Variants in LOC122513141 observed in about 807,000 individuals in gnomAD.
At chr9:137,218,547 C>T in the LOC122513141 span, 151 of 400,362 alleles carry the variant, frequency 3.8e-4, 2 homozygotes, top group African/African-American at 2.7e-3. Context: ...CTGGTCTTCA[C>T]GCCGCTCCTG....
the LOC122513141 span, chr9:137,218,161 G>C: frequency 1.3e-5 from 5 of 398,610 alleles, no homozygotes; most frequent in African/African-American, 1.0e-4. Context: ...TGGGCTGCCT[G>C]CACAGGCTGC....
At chr9:137,218,801 A>G in the LOC122513141 span, 2 of 396,404 alleles carry the variant, frequency 5.0e-6, no homozygotes, top group Non-Finnish European at 8.9e-6. Flanking sequence ...GCCAGAGTCC[A>G]TGGCTGCACT....
chr9:137,218,597 C>T, the LOC122513141 span: 3 of 398,742 alleles, frequency 7.5e-6, no homozygotes, highest in Admixed American at 4.4e-5. Context: ...CCGCTCTGGC[C>T]GCTGAGCAGA....
At chr9:137,217,808 C>T in the LOC122513141 span, 3 of 397,414 alleles carry the variant, frequency 7.5e-6, no homozygotes, top group Non-Finnish European at 1.3e-5. Flanking sequence ...CACCCCTGAA[C>T]TGTGCCCTGG....
At chr9:137,217,735 G>T in the LOC122513141 span, 3 of 373,760 alleles carry the variant, frequency 8.0e-6, no homozygotes, top group Non-Finnish European at 1.4e-5. Flanking sequence ...CTTCCCTGAG[G>T]GCCGCCCCTG....
At chr9:137,218,164 C>T in the LOC122513141 span, 2 of 398,586 alleles carry the variant, frequency 5.0e-6, no homozygotes, top group Non-Finnish European at 8.8e-6. Flanking sequence ...GCTGCCTGCA[C>T]AGGCTGCTGG....
chr9:137,218,202 G>T, the LOC122513141 span: 1 of 398,452 alleles, frequency 2.5e-6, no homozygotes, highest in Non-Finnish European at 4.4e-6. Flanking sequence ...GACCTGGGCC[G>T]GGTGCGCTGC....
chr9:137,218,475 G>T, the LOC122513141 span: 2 of 397,618 alleles, frequency 5.0e-6, no homozygotes, highest in South Asian at 2.5e-4. Flanking sequence ...CGGGAGCGGG[G>T]ACCCTGTGCC....
At chr9:137,217,938 T>C in the LOC122513141 span, 4 of 398,448 alleles carry the variant, frequency 1.0e-5, no homozygotes, top group African/African-American at 4.1e-5. Context: ...GGGGATGACC[T>C]TGGGCACCCC....
the LOC122513141 span, chr9:137,217,984 G>A: frequency 2.5e-6 from 1 of 398,868 alleles, no homozygotes; most frequent in South Asian, 1.3e-4. Context: ...AGCCCCTGCT[G>A]GGGGCCAAAG....
chr9:137,218,750 T>C, the LOC122513141 span: 2 of 397,022 alleles, frequency 5.0e-6, no homozygotes, highest in Non-Finnish European at 8.9e-6. Flanking sequence ...AGACCTCCCA[T>C]TGCTGAACCC....
chr9:137,217,768 CTCCTA>C, the LOC122513141 span: 14 of 358,968 alleles, frequency 3.9e-5, no homozygotes, highest in African/African-American at 1.3e-4. Context: ...GGTCCCTGTC[CTCCTA>C]TCCTGACTCC....
At chr9:137,218,269 G>GT in the LOC122513141 span, 2 of 398,226 alleles carry the variant, frequency 5.0e-6, no homozygotes, top group African/African-American at 4.1e-5. Flanking sequence ...GGCTACAGGA[G>GT]GAGCTGCTAC....
the LOC122513141 span, chr9:137,218,267 G>A: frequency 2.5e-6 from 1 of 398,346 alleles, no homozygotes; most frequent in Non-Finnish European, 4.4e-6. Flanking sequence ...CCGGCTACAG[G>A]AGGAGCTGCT....
chr9:137,218,271 A>G, the LOC122513141 span: 1 of 398,224 alleles, frequency 2.5e-6, no homozygotes, highest in South Asian at 1.3e-4. Context: ...CTACAGGAGG[A>G]GCTGCTACAG....
the LOC122513141 span, chr9:137,219,268 C>T: frequency 1.3e-5 from 2 of 152,288 alleles, no homozygotes; most frequent in Non-Finnish European, 2.9e-5. Context: ...CCTCATGTCA[C>T]CACACCTGGG....
chr9:137,219,327 C>T, the LOC122513141 span: 14 of 151,552 alleles, frequency 9.2e-5, no homozygotes, highest in East Asian at 2.1e-3. Flanking sequence ...GATCCTGGAA[C>T]GTGAAGCAGC....
chr9:137,218,855 G>A, the LOC122513141 span: 1 of 386,460 alleles, frequency 2.6e-6, no homozygotes, highest in Admixed American at 4.5e-5. Context: ...AGCGCCCAAG[G>A]ACAGCTCCTG....
chr9:137,217,801 C>T, the LOC122513141 span: 9 of 397,266 alleles, frequency 2.3e-5, no homozygotes, highest in South Asian at 1.4e-4. Context: ...GGGCCACCAC[C>T]CCTGAACTGT....
Sources: gnomAD v4.1 joint callset for allele counts on GRCh38, gnomAD v4.1.1 for gene constraint, MANE v1.5 for transcripts.